Variants in PKHD1L1 observed in about 807,000 individuals in gnomAD.
PKHD1L1 encodes fibrocystin-L.
A neutral mutation model predicts 462.9 loss-of-function variants in PKHD1L1; 434 were observed. That is an observed-to-expected ratio of 0.94 (90% CI 0.87 to 1.02). The LOEUF (loss-of-function observed/expected upper bound fraction) is 1.02. Among genes scored for constraint, PKHD1L1 ranks in the 50% least tolerant of loss-of-function variants. PKHD1L1 has a pLI of 0.00. For missense variants in PKHD1L1, 5,202 were observed against 5,096.1 expected (o/e 1.02, Z -0.63); for synonymous variants, 1,781 against 1,750.0 (o/e 1.02, Z -0.44).
At chr8:109,418,504 G>T (rs1814299674) in intron 21 of PKHD1L1, among the ~76,000 whole-genome samples, 1 of 152,152 alleles carries the variant, frequency 6.6e-6, no homozygotes, top group Admixed American at 6.5e-5. Context: ...TAGCTTTAAT[G>T]CTTAACTGTA....
At chr8:109,371,856 G>T (rs187585782) in intron 2 of PKHD1L1, among the ~76,000 whole-genome samples, 4 of 152,176 alleles carry the variant, frequency 2.6e-5, no homozygotes, top group African/African-American at 9.6e-5. Flanking sequence ...CTGTTCCATT[G>T]GTCTATATCT....
chr8:109,438,915 T>C lies in PKHD1L1; in HGVS notation c.3779T>C (p.Ile1260Thr). ...ATACCAGGAGAAGTTAATTTAACAA[T>C]TAAGGGCTATAATTTTGGAAATGAA... ...RTILGEVNLT[I>T]KGYNFGNELT... is the part of the protein sequence containing the mutation. Residue 1260 changes from isoleucine (I) to threonine (T), a missense_variant, in exon 32 of 78, where the codon ATT becomes ACT. Physicochemically the swap from Ile to Thr is moderately conservative, Grantham distance 89. Coordinates refer to ENST00000378402, the MANE Select transcript of PKHD1L1 (RefSeq NM_177531.6). 6.2e-7 allele frequency: 1 copy of C among 1,610,206 alleles called. No homozygotes were observed.
At chr8:109,403,728 T>C (rs73317500) in intron 14 of PKHD1L1, among the ~76,000 whole-genome samples, 5,232 of 152,168 alleles carry the variant, frequency 0.034, 315 homozygotes, top group African/African-American at 0.12. Context: ...ATATGAAACA[T>C]GATAAATTTC....
chr8:109,463,191 A>C (rs1257615283), intron 48 of PKHD1L1, among the ~76,000 whole-genome samples: 1 of 152,154 alleles, frequency 6.6e-6, no homozygotes, highest in Admixed American at 6.6e-5. Context: ...TGTTATCCCT[A>C]TGACACTAGA....
intron 39 of PKHD1L1, 90 bp downstream of exon 39, chr8:109,448,481 A>G: frequency 2.3e-6 from 3 of 1,312,256 alleles, no homozygotes; most frequent in Non-Finnish European, 2.0e-6. Flanking sequence ...TGTTACTCAA[A>G]CACATAAAAT....
At chr8:109,456,147 G>C (rs1387596976) in intron 45 of PKHD1L1, 115 bp from the exon 46 acceptor site, 1 of 1,089,570 alleles carries the variant, frequency 9.2e-7, no homozygotes, top group East Asian at 2.7e-5. Context: ...AAATGCTAAG[G>C]TAAAATGAGC....
chr8:109,434,749 G>A (rs189954069), intron 28 of PKHD1L1, among the ~76,000 whole-genome samples: 5 of 152,148 alleles, frequency 3.3e-5, no homozygotes, highest in Admixed American at 2.6e-4. Flanking sequence ...GATTACAGGC[G>A]TGAGCCACCG....
At chr8:109,512,350 T>C (rs1380026736) in intron 71 of PKHD1L1, among the ~76,000 whole-genome samples, 2 of 151,436 alleles carry the variant, frequency 1.3e-5, no homozygotes, top group Non-Finnish European at 3.0e-5. Flanking sequence ...AAGTCTTTAA[T>C]CCATCTTGAA....
At chr8:109,427,713 G>T (rs1458113006) in intron 25 of PKHD1L1, among the ~76,000 whole-genome samples, 3 of 152,050 alleles carry the variant, frequency 2.0e-5, no homozygotes, top group African/African-American at 7.2e-5. Flanking sequence ...TAGGGACTCA[G>T]ATTGTCAAAC....
chr8:109,476,475 A>G, intron 51 of PKHD1L1, 33 bp from the exon 52 acceptor site: 1 of 1,324,384 alleles, frequency 7.6e-7, no homozygotes, highest in South Asian at 1.4e-5. Flanking sequence ...GAATATTAAC[A>G]TACAAGTCAC....
chr8:109,443,299 G>T (rs1417666179), intron 36 of PKHD1L1, among the ~76,000 whole-genome samples, 183 bp downstream of exon 36: 1 of 152,162 alleles, frequency 6.6e-6, no homozygotes, highest in Admixed American at 6.6e-5. Flanking sequence ...TCGCATTAAT[G>T]TCTTCCTACC....
chr8:109,448,100 ATAGT>A lies in PKHD1L1; in HGVS notation c.5777-39_5777-36del, dbSNP rs1816255515. The stretch of plus-strand genomic sequence containing the variant: ...TATATCTTTAAATGGATGTGTATTA[ATAGT>A]TAGATATATTTATATTGTGTGCTTT... On this transcript the variant is annotated intron_variant, in intron 38 of 77. Transcript: ENST00000378402. The A allele has an allele frequency of 2.0e-6, 3 of 1,502,400 alleles. No homozygotes were observed. In the East Asian group the frequency reaches 7.3e-5, roughly 37 times the overall value. The allele number at this position is 1,502,400 out of a possible 1,614,324, so 93.1% of individuals were successfully genotyped here. A position where few individuals can be genotyped will look rare whatever the true frequency, so the allele number is the denominator to read the frequency against.
In PKHD1L1 at chr8:109,454,200, A is replaced by G. The variant is rs922163297; in HGVS notation, c.6698A>G (p.Glu2233Gly). The G allele has an allele frequency of 6.2e-7, 1 of 1,608,764 alleles. No individual in the cohort carries two copies. Among genetic ancestry groups the G allele is most frequent in the East Asian group, 2.2e-5 (1 of 44,630 alleles). Residue 2233 changes from glutamate to glycine, a missense_variant, in exon 44 of 78, where the codon GAA (glutamate) becomes GGA (glycine). Glu to Gly is a moderately conservative substitution (Grantham distance 98). This residue lies in a region of PKHD1L1 where 4,497 missense variants were observed against 4,336.8 expected (regional missense o/e 1.04). Transcript: ENST00000378402. ...GTLIFDEADI[E>G]LQAENILITD... ...CTAATATTTGATGAAGCTGACATTG[A>G]ACTCCAGGCAGAAAATATTCTAATT...
chr8:109,490,927 G>A (rs748018360), intron 60 of PKHD1L1, 45 bp from the exon 61 acceptor site: 1 of 1,452,726 alleles, frequency 6.9e-7, no homozygotes, highest in South Asian at 1.4e-5. Context: ...AAAATATATT[G>A]TAATTTTATT....
Position 109,464,350 on chromosome 8 carries a change from TAA to T in PKHD1L1, c.7519_7520del (p.Asn2507HisfsTer7). The T allele has an allele frequency of 6.2e-7, 1 of 1,613,368 alleles. No homozygotes were observed. The highest frequency in any genetic ancestry group is 8.5e-7 in the Non-Finnish European group (1 of 1,179,584). ...CCTATAACAGAGCTGTTACTATTCA[TAA>T]CACACACCATCTTCTGGTTGAGAGG... Reference protein sequence around the residue: ...QAYNRAVTIHNTHHLLVERNI... With the variant: ...QAYNRAVTIHXTHHLLVERNI... On this transcript the variant is annotated frameshift_variant, in exon 49 of 78. Transcript: ENST00000378402. LOFTEE classifies it high-confidence loss of function.
At chr8:109,416,754 G>A (rs1161074168) in intron 21 of PKHD1L1, among the ~76,000 whole-genome samples, 2 of 152,130 alleles carry the variant, frequency 1.3e-5, no homozygotes, top group Non-Finnish European at 2.9e-5. Flanking sequence ...TAGGTGGCAA[G>A]GAGCATGAAA....
chr8:109,512,319 A>G (rs1208767803), intron 71 of PKHD1L1, among the ~76,000 whole-genome samples: 1 of 151,306 alleles, frequency 6.6e-6, no homozygotes, highest in African/African-American at 2.4e-5. Context: ...TAGGGTTTTT[A>G]TGGTTTTAGG....
At chr8:109,363,365 C>A (rs1251738451) in intron 1 of PKHD1L1, among the ~76,000 whole-genome samples, 1 of 152,186 alleles carries the variant, frequency 6.6e-6, no homozygotes, top group Non-Finnish European at 1.5e-5. Context: ...TACAGAGGCA[C>A]TGGGTCTGGG....
chr8:109,461,644 A>G, intron 47 of PKHD1L1, 128 bp from the exon 48 acceptor site: 1 of 1,021,926 alleles, frequency 9.8e-7, no homozygotes, highest in East Asian at 2.6e-5. Flanking sequence ...TGTGAATGCA[A>G]ATAACTATGT....
Sources: allele counts gnomAD v4.1 joint callset (sites outside exome capture counted in the v4.1 genomes callset), GRCh38; gene constraint gnomAD v4.1.1; regional missense constraint gnomAD v4.1.1; transcripts MANE v1.5; gene names NCBI Gene and HGNC (gene_info 2026-07-23, HGNC 2026-07-21).